The following CEP70 variants were observed in gnomAD, a reference collection of about 807,000 sequenced individuals.
CEP70 encodes the protein centrosomal protein 70.
CEP70 carries 70 observed loss-of-function variants against 90.9 expected under a neutral mutation model. The observed-to-expected ratio is 0.77, with a 90% confidence interval of 0.64 to 0.94. CEP70 has a LOEUF of 0.94. CEP70 is among the 40% of genes least tolerant of loss of function. The probability of loss-of-function intolerance (pLI) is 0.00; values close to 1 mark genes in which losing one functional copy is unlikely to be tolerated. For missense variants in CEP70, 648 were observed against 669.0 expected (o/e 0.97, Z 0.35); for synonymous variants, 220 against 228.3 (o/e 0.96, Z 0.33).
chr3:138,500,675 A>C (rs11920599), intron 14 of CEP70, 60 bp downstream of exon 14: 1 of 1,498,846 alleles, frequency 6.7e-7, no homozygotes, highest in Non-Finnish European at 9.0e-7. Flanking sequence ...ATCAATATCC[A>C]CAATTTATCA....
chr3:138,496,215 A>T, intron 17 of CEP70: 1 of 985,438 alleles, frequency 1.0e-6, no homozygotes, highest in Non-Finnish European at 1.2e-6. Flanking sequence ...TACATAAAGC[A>T]TGCTTTCTTG....
In CEP70 at chr3:138,591,851, T is replaced by C. The variant is rs544094285; in HGVS notation, c.-6+3A>G. The C allele has an allele frequency of 5.2e-5, 79 of 1,530,416 alleles. No homozygotes were observed. In the African/African-American group the frequency reaches 9.9e-4, roughly 19 times the overall value. 94.8% of individuals were successfully genotyped at this position (1,530,416 alleles called of 1,614,324 possible). A position where few individuals can be genotyped will look rare whatever the true frequency, so the allele number is the denominator to read the frequency against. ...CTGGAGTCATCCGTTACATTAGACATACCTCAGTCATAGCATATTACTCTT... is the reference window on the plus strand; with the variant it reads ...CTGGAGTCATCCGTTACATTAGACACACCTCAGTCATAGCATATTACTCTT... On this transcript the variant is annotated splice_donor_region_variant and intron_variant, in intron 2 of 17. Coordinates refer to ENST00000264982, the MANE Select transcript of CEP70 (RefSeq NM_024491.4).
At chr3:138,587,571 C>A (rs370690697) in intron 2 of CEP70, among the ~76,000 whole-genome samples, 1 of 148,516 alleles carries the variant, frequency 6.7e-6, no homozygotes, top group East Asian at 2.0e-4. Context: ...CAGCTTGAGG[C>A]CCAGGAATTC....
At chr3:138,575,457 G>A (rs1434872197) in intron 2 of CEP70, among the ~76,000 whole-genome samples, 1 of 152,156 alleles carries the variant, frequency 6.6e-6, no homozygotes, top group East Asian at 1.9e-4. Flanking sequence ...TATGTGAAAA[G>A]ACCAAATCTA....
intron 6 of CEP70, among the ~76,000 whole-genome samples, chr3:138,537,750 G>A (rs1399451672): frequency 1.3e-5 from 2 of 152,098 alleles, no homozygotes; most frequent in East Asian, 3.8e-4. Flanking sequence ...GTGGGTGACT[G>A]CAAACTCACA....
At chr3:138,520,419 CCA>C (rs1235445511) in intron 11 of CEP70, among the ~76,000 whole-genome samples, 1 of 152,170 alleles carries the variant, frequency 6.6e-6, no homozygotes, top group Non-Finnish European at 1.5e-5. Context: ...CCAAAATCGA[CCA>C]CATAGTTGGA....
intron 5 of CEP70, 49 bp from the exon 6 acceptor site, chr3:138,570,547 G>T: frequency 1.4e-6 from 2 of 1,401,762 alleles, no homozygotes; most frequent in South Asian, 1.3e-5. Flanking sequence ...AAAATAAATC[G>T]AATTACCAAG....
At chr3:138,586,026 G>C (rs2042089323) in intron 2 of CEP70, among the ~76,000 whole-genome samples, 1 of 152,190 alleles carries the variant, frequency 6.6e-6, no homozygotes, top group South Asian at 2.1e-4. Context: ...AAAATAGACA[G>C]GTGGGGTCAC....
chr3:138,560,775 G>A (rs952331725), intron 6 of CEP70, among the ~76,000 whole-genome samples: 5 of 152,048 alleles, frequency 3.3e-5, no homozygotes, highest in African/African-American at 4.8e-5. Context: ...TAGATGGAGC[G>A]CACCACAGCT....
Position 138,592,241 on chromosome 3 carries a change from G to A in CEP70, c.-108-285C>T, listed in dbSNP as rs150752228. ...TCAATTCTGACTTCTGGCTCCACAG[G>A]TAGGATATTCTCATTTGCAAGGATA... On this transcript the variant is annotated intron_variant, in intron 1 of 17. Coordinates refer to ENST00000264982, the MANE Select transcript of CEP70 (RefSeq NM_024491.4). 7.3e-3 allele frequency among the ~76,000 whole-genome samples: 1,104 copies of A among 152,186 alleles called. 28 individuals carry two copies. The highest frequency in any genetic ancestry group is 0.044 in the Admixed American group (675 of 15,282).
intron 6 of CEP70, among the ~76,000 whole-genome samples, chr3:138,561,134 A>G (rs1189603744): frequency 6.6e-6 from 1 of 152,118 alleles, no homozygotes; most frequent in Non-Finnish European, 1.5e-5. Context: ...CACCTCATAC[A>G]GGAGAGCTCC....
chr3:138,503,355 C>G (rs1560280233), intron 13 of CEP70, among the ~76,000 whole-genome samples: 3 of 152,158 alleles, frequency 2.0e-5, no homozygotes, highest in Admixed American at 6.5e-5. Flanking sequence ...GAATTTCTTT[C>G]CTTTTAATGG....
At chr3:138,547,105 A>AAGG (rs1218825607) in intron 6 of CEP70, among the ~76,000 whole-genome samples, 2 of 152,242 alleles carry the variant, frequency 1.3e-5, no homozygotes, top group Non-Finnish European at 2.9e-5. Context: ...TTACATCCAG[A>AAGG]AGGAATCCTC....
chr3:138,585,960 T>C (rs563785406), intron 2 of CEP70, among the ~76,000 whole-genome samples: 61 of 152,224 alleles, frequency 4.0e-4, no homozygotes, highest in African/African-American at 1.2e-3. Flanking sequence ...CTCCAGGACA[T>C]TGGATTGGGC....
chr3:138,522,284 C>A (rs1402526077), intron 11 of CEP70, among the ~76,000 whole-genome samples: 5 of 138,406 alleles, frequency 3.6e-5, no homozygotes, highest in Non-Finnish European at 7.7e-5. Context: ...TCAATAAATA[C>A]TAAAAAAATT....
intron 6 of CEP70, among the ~76,000 whole-genome samples, chr3:138,567,426 C>T (rs777096359): frequency 6.6e-6 from 1 of 152,194 alleles, no homozygotes; most frequent in Non-Finnish European, 1.5e-5. Flanking sequence ...AAACATGCCA[C>T]TTTGGCATAA....
chr3:138,533,312 A>G (rs1378950758), intron 7 of CEP70, among the ~76,000 whole-genome samples: 1 of 152,004 alleles, frequency 6.6e-6, no homozygotes, highest in Non-Finnish European at 1.5e-5. Context: ...GAAAAAGAAA[A>G]TAATGGAGAA....
intron 11 of CEP70, among the ~76,000 whole-genome samples, chr3:138,523,238 G>A (rs1278766638): frequency 1.3e-5 from 2 of 152,086 alleles, no homozygotes; most frequent in African/African-American, 2.4e-5. Context: ...AATAATAAGA[G>A]CTATTTATGA....
chr3:138,534,259 C>T (rs771501444), intron 7 of CEP70, among the ~76,000 whole-genome samples: 1 of 152,180 alleles, frequency 6.6e-6, no homozygotes. Flanking sequence ...CAATTGTGCT[C>T]TTAATGTCAC....
Sources: gnomAD v4.1 joint callset for allele counts (sites outside exome capture counted in the v4.1 genomes callset) on GRCh38, gnomAD v4.1.1 for gene constraint, MANE v1.5 for transcripts, NCBI Gene and HGNC (gene_info 2026-07-23, HGNC 2026-07-21) for gene names.